Variants in PCYT2 observed in about 807,000 individuals in gnomAD.
The protein encoded by PCYT2 is ethanolamine-phosphate cytidylyltransferase.
In PCYT2, 33 loss-of-function variants were observed where a neutral mutation model predicts 50.0. The observed-to-expected ratio is 0.66, with a 90% CI of 0.50 to 0.88. PCYT2 has a LOEUF of 0.88. Ranked by LOEUF, PCYT2 falls within the 40% of genes least tolerant of loss-of-function variation. The pLI is 0.00. For synonymous variants in PCYT2, 240 were observed against 203.7 expected (o/e 1.18, Z -1.52); for missense variants, 430 against 519.7 (o/e 0.83, Z 1.68).
In PCYT2 at chr17:81,908,806, TC is replaced by T. The variant is rs555346701; in HGVS notation, c.340+69del. 5.0e-5 allele frequency: 74 copies of T among 1,473,446 alleles called. No homozygotes were observed. The African/African-American group carries it at 9.8e-4, about 19-fold the overall frequency. The allele number at this position is 1,473,446 out of a possible 1,614,324, so 91.3% of individuals were successfully genotyped here. A position where few individuals can be genotyped will look rare whatever the true frequency, so the allele number is the denominator to read the frequency against. On this transcript the variant is annotated intron_variant, in intron 3 of 12. Coordinates refer to ENST00000538936, the MANE Select transcript of PCYT2 (RefSeq NM_002861.5). ...GGCGGAGGCCCCCTGTTCCCGGATG[TC>T]CCACCAGCAGATCTGATCCTGAGCC...
Position 81,905,080 on chromosome 17 carries a change from C to T in PCYT2, c.1044G>A (p.Arg348=), listed in dbSNP as rs1040917091. The T allele has an allele frequency of 1.1e-5, 18 of 1,612,316 alleles. No individual in the cohort carries two copies. The South Asian group carries it at 1.9e-4, about 17-fold the overall frequency. Residue 348 remains arginine, a synonymous_variant, in exon 12 of 13, where the codon CGG becomes CGA. Coordinates refer to ENST00000538936, the MANE Select transcript of PCYT2 (RefSeq NM_002861.5). ...SNLTTDLIVQ[R]IITNRLEYEA... ...CCCAACTGCACCTGTTGGTGATGAT[C>T]CGCTGGACGATGAGGTCTGTGGTGA...
chr17:81,909,133 G>A, intron 2 of PCYT2, 96 bp from the exon 3 acceptor site: 1 of 1,529,542 alleles, frequency 6.5e-7, no homozygotes, highest in East Asian at 2.3e-5. Context: ...CCACACAAGA[G>A]GGCCGGTGGG....
chr17:81,907,653 C>G, intron 5 of PCYT2, 55 bp from the exon 6 acceptor site: 1 of 1,603,604 alleles, frequency 6.2e-7, no homozygotes, highest in Non-Finnish European at 8.5e-7. Context: ...CGTGGCCACC[C>G]CAGAACCGGC....
chr17:81,910,994 G>A (rs1457349736), intron 1 of PCYT2: 3 of 993,750 alleles, frequency 3.0e-6, no homozygotes, highest in Non-Finnish European at 3.6e-6. Flanking sequence ...GGAGGCCGTG[G>A]CTCCAGATCT....
Position 81,909,550 on chromosome 17 carries a change from T to C in PCYT2, c.142A>G (p.Met48Val). ...ACGCCTACGATGAGGTAGTCACCCA[T>C]GGCCCGTGCCTGGCGCAGCTGGTTG... ...HSNQLRQARA[M>V]GDYLIVGVHT... is the part of the protein sequence containing the mutation. The change falls in exon 2 of 13, where the codon ATG becomes GTG. Residue 48 changes from methionine (M) to valine (V), a missense_variant. Physicochemically the swap from Met to Val is conservative, Grantham distance 21. This residue lies in a region of PCYT2 where 117 missense variants were observed against 163.9 expected (regional missense o/e 0.71). Coordinates refer to ENST00000538936, the MANE Select transcript of PCYT2 (RefSeq NM_002861.5). 1.9e-6 allele frequency: 3 copies of C among 1,613,782 alleles called. No individual in the cohort carries two copies. Among genetic ancestry groups the C allele is most frequent in the Non-Finnish European group, 2.5e-6 (3 of 1,179,874 alleles).
chr17:81,906,199 C>T (rs1352173636), intron 8 of PCYT2, 22 bp from the exon 9 acceptor site: 1 of 1,594,756 alleles, frequency 6.3e-7, no homozygotes, highest in Non-Finnish European at 8.5e-7. Context: ...GTGCGGCTAG[C>T]TCAGCCCGGA....
intron 1 of PCYT2, among the ~76,000 whole-genome samples, chr17:81,910,014 C>CT (rs750722568): frequency 1.3e-5 from 2 of 152,170 alleles, no homozygotes; most frequent in Non-Finnish European, 2.9e-5. Context: ...CCTAGACTAC[C>CT]TTGAGACAAG....
rs2143609185 is a variant in PCYT2 at position 81,902,182 on chromosome 17, G to A, written c.*2651C>T. 1 of 985,404 alleles carries A rather than the reference G, an allele frequency of 1.0e-6. No individual in the cohort carries two copies. Among genetic ancestry groups the A allele is most frequent in the Non-Finnish European group, 1.3e-6 (1 of 775,170 alleles). The allele number at this position is 985,404 out of a possible 1,614,324, so 61.0% of individuals were successfully genotyped here. ...CGCCCGCCGCCCCTCCCGGCCCTCC[G>A]CAGCCTCGGCCCGCCCTCGCCGCAG... is the stretch of plus-strand genomic sequence containing the variant. On this transcript the variant is annotated 3_prime_UTR_variant, in exon 13 of 13. Coordinates refer to ENST00000538936, the MANE Select transcript of PCYT2 (RefSeq NM_002861.5).
At position 81,908,928 on chromosome 17, in the gene PCYT2, G is replaced by C; in HGVS notation, c.288C>G (p.Val96=). ...ATTTGTCCAGGGTCTCTAGTGTAGT[G>C]ACGTAGGGAGCCGCTGGCACCACCT... The part of the protein sequence containing the change: ...VDEVVPAAPY[V]TTLETLDKYN... The change falls in exon 3 of 13, where the codon GTC becomes GTG. Residue 96 remains valine (V), a synonymous_variant. Coordinates refer to ENST00000538936, the MANE Select transcript of PCYT2 (RefSeq NM_002861.5). The C allele has an allele frequency of 1.2e-6, 2 of 1,613,888 alleles. No individual in the cohort carries two copies. The highest frequency in any genetic ancestry group is 1.7e-6 in the Non-Finnish European group (2 of 1,179,980).
At chr17:81,906,972 T>G in intron 6 of PCYT2, 74 bp from the exon 7 acceptor site, 3 of 1,499,204 alleles carry the variant, frequency 2.0e-6, no homozygotes, top group Non-Finnish European at 2.7e-6. Context: ...CACCAAACCC[T>G]CAGCTGTCAC....
chr17:81,905,079 T>C lies in PCYT2; in HGVS notation c.1045A>G (p.Ile349Val). The change falls in exon 12 of 13, where the codon ATC (isoleucine) becomes GTC (valine). Residue 349 changes from isoleucine to valine, a missense_variant. Ile to Val is a conservative substitution (Grantham distance 29). Transcript: ENST00000538936. ...NLTTDLIVQR[I>V]ITNRLEYEAR... ...ACCCAACTGCACCTGTTGGTGATGA[T>C]CCGCTGGACGATGAGGTCTGTGGTG... is the stretch of plus-strand genomic sequence containing the variant. 6.2e-7 allele frequency: 1 copy of C among 1,612,138 alleles called. No individual in the cohort carries two copies. Among genetic ancestry groups the C allele is most frequent in the Non-Finnish European group, 8.5e-7 (1 of 1,179,280 alleles).
rs770283328 is a variant in PCYT2 at position 81,904,651 on chromosome 17, G to A, written c.*182C>T. ...CTGGACACCCTCTCTGAGCAGCTTT[G>A]CTGGAAAGAGCGGAGAGCCTGCTGC... On this transcript the variant is annotated 3_prime_UTR_variant, in exon 13 of 13. Coordinates refer to ENST00000538936, the MANE Select transcript of PCYT2 (RefSeq NM_002861.5). The A allele has an allele frequency of 6.8e-6, 4 of 586,750 alleles. No individual in the cohort carries two copies. Among genetic ancestry groups the A allele is most frequent in the South Asian group, 2.2e-5 (1 of 45,498 alleles). The allele number at this position is 586,750 out of a possible 1,614,324, so 36.3% of individuals were successfully genotyped here. A position where few individuals can be genotyped will look rare whatever the true frequency, so the allele number is the denominator to read the frequency against.
rs148740790 is a variant in PCYT2, at chr17:81,906,482, C to G, written c.741G>C (p.Ala247=). ...CAGTGACCTGGTCAAAGTGTAAGCC[C>G]GCGATGATGTAGGGCCTCTCTGCCA... ...HRLAERPYII[A]GLHFDQEVNH... The change falls in exon 8 of 13, where the codon GCG becomes GCC. Residue 247 remains alanine (A), a synonymous_variant. Coordinates refer to ENST00000538936, the MANE Select transcript of PCYT2 (RefSeq NM_002861.5). 15 of 1,613,292 alleles carry G rather than the reference C, an allele frequency of 9.3e-6. No homozygotes were observed. The highest frequency in any genetic ancestry group is 1.2e-5 in the Non-Finnish European group (14 of 1,179,910).
At chr17:81,905,942 A>C in intron 9 of PCYT2, 158 bp downstream of exon 9, 1 of 754,666 alleles carries the variant, frequency 1.3e-6, no homozygotes, top group Non-Finnish European at 2.2e-6. Flanking sequence ...CTCATGCCTC[A>C]ACAAACAGGT....
chr17:81,904,958 G>A lies in PCYT2; in HGVS notation c.1059-14C>T, dbSNP rs763855613. The A allele has an allele frequency of 6.2e-7, 1 of 1,607,346 alleles. No homozygotes were observed. Among genetic ancestry groups the A allele is most frequent in the Non-Finnish European group, 8.5e-7 (1 of 1,175,702 alleles). On this transcript the variant is annotated splice_polypyrimidine_tract_variant and intron_variant, in intron 12 of 12. Coordinates refer to ENST00000538936, the MANE Select transcript of PCYT2 (RefSeq NM_002861.5). The stretch of plus-strand genomic sequence containing the variant: ...TCATACTCCAACCTGAGAGGGCAGG[G>A]TAAGTCTAGCAGAGAGCGCCCATGA...
rs2040031961 is a variant in PCYT2 at position 81,903,093 on chromosome 17, C to G, written c.*1740G>C. ...AGCCCCGCGGTGAAGCCGCGCCTAG[C>G]CTTGGTGCTCCCTGGGGGAAGTGCA... On this transcript the variant is annotated 3_prime_UTR_variant, in exon 13 of 13. Transcript: ENST00000538936. 2 of 302,916 alleles carry G rather than the reference C, an allele frequency of 6.6e-6. No homozygotes were observed. The highest frequency in any genetic ancestry group is 1.0e-4 in the Admixed American group (2 of 19,274). The allele number at this position is 302,916 out of a possible 1,614,324, so 18.8% of individuals were successfully genotyped here.
At chr17:81,911,062 T>C (rs1054211634) in intron 1 of PCYT2, 25 of 1,001,258 alleles carry the variant, frequency 2.5e-5, no homozygotes, top group South Asian at 1.4e-4. Flanking sequence ...CCGCCAGAGG[T>C]AGACGGGGTC....
In PCYT2 at chr17:81,909,530, T is replaced by G; in HGVS notation, c.162A>C (p.Val54=). ...QARAMGDYLI[V]GVHTDEEIAK... ...TGTGCTTACCATCGGTGTGCACGCC[T>G]ACGATGAGGTAGTCACCCATGGCCC... Residue 54 remains valine, a synonymous_variant, in exon 2 of 13, where the codon GTA becomes GTC. Coordinates refer to ENST00000538936, the MANE Select transcript of PCYT2 (RefSeq NM_002861.5). 1.2e-6 allele frequency: 2 copies of G among 1,613,068 alleles called. No individual in the cohort carries two copies. Among genetic ancestry groups the G allele is most frequent in the Non-Finnish European group, 1.7e-6 (2 of 1,179,328 alleles).
chr17:81,905,480 G>A (rs373944617), intron 10 of PCYT2, 33 bp from the exon 11 acceptor site: 68 of 1,553,940 alleles, frequency 4.4e-5, no homozygotes, highest in African/African-American at 8.2e-5. Context: ...AGCCCTCCCC[G>A]GGGAGGCAGC....
Sources: gnomAD v4.1 joint callset for allele counts (sites outside exome capture counted in the v4.1 genomes callset) on GRCh38, gnomAD v4.1.1 for gene constraint, gnomAD v4.1.1 regional missense constraint, MANE v1.5 for transcripts, NCBI Gene and HGNC (gene_info 2026-07-23, HGNC 2026-07-21) for gene names.